Variants in BTBD8 observed in about 807,000 individuals in gnomAD.
BTBD8 encodes the protein BTB/POZ domain-containing protein 8.
BTBD8 carries 110 observed loss-of-function variants against 162.9 expected under a neutral mutation model. The observed-to-expected ratio is 0.68, with a 90% CI of 0.58 to 0.79. BTBD8 has a LOEUF of 0.79. Among genes scored for constraint, BTBD8 ranks in the 30% least tolerant of loss-of-function variants. The pLI, the probability that BTBD8 is intolerant of heterozygous loss-of-function variation, is 0.00. For synonymous variants in BTBD8, 667 were observed against 716.1 expected, an observed-to-expected ratio of 0.93 and a Z score of 1.10; for missense variants, 1,905 against 2,085.4, an observed-to-expected ratio of 0.91 and a Z score of 1.68.
In BTBD8 at chr1:92,141,118, G is replaced by A; in HGVS notation, c.837G>A (p.Gln279=). 1 of 1,547,644 alleles carries A rather than the reference G, an allele frequency of 6.5e-7. No individual in the cohort carries two copies. Among genetic ancestry groups the A allele is most frequent in the Non-Finnish European group, 8.7e-7 (1 of 1,149,800 alleles). Residue 279 remains glutamine (Q), a synonymous_variant, in exon 7 of 18, where the codon CAG becomes CAA. Transcript: ENST00000636805. ...AGTGCATCTATTTTTATTTTAGTCA[G>A]ATACTCAATATGGCTGATATGTATG... is the stretch of plus-strand genomic sequence containing the variant. ...LDIPDKTNVG[Q]ILNMADMYGL... is the part of the protein sequence containing the mutation.
Position 92,088,781 on chromosome 1 carries a change from C to G in BTBD8, c.233C>G (p.Ala78Gly). The G allele has an allele frequency of 6.2e-7, 1 of 1,613,176 alleles. No individual in the cohort carries two copies. Among genetic ancestry groups the G allele is most frequent in the Non-Finnish European group, 8.5e-7 (1 of 1,179,470 alleles). Reference sequence around the variant, plus strand: ...AAAGCACACAAAGCAGTCCTTTTAGCAAGAGTTCCTGACTTCTATTTTCAT... The same window carrying G: ...AAAGCACACAAAGCAGTCCTTTTAGGAAGAGTTCCTGACTTCTATTTTCAT... ...LFKAHKAVLL[A>G]RVPDFYFHTI... The change falls in exon 2 of 18, where the codon GCA (alanine) becomes GGA (glycine). Residue 78 changes from alanine to glycine, a missense_variant. Around this residue, in one of 3 missense-constraint regions of BTBD8, gnomAD observed 1,374 missense variants for 1,442.7 expected, o/e 0.95. Transcript: ENST00000636805.
rs1557466674 is a variant in BTBD8, at chr1:92,177,007, A to G, written c.1814A>G (p.Asp605Gly). The change falls in exon 14 of 18, where the codon GAT becomes GGT. Residue 605 changes from aspartate (D) to glycine (G), a missense_variant. By Grantham distance (94) the Asp-to-Gly change is moderately conservative. Coordinates refer to ENST00000636805, the MANE Select transcript of BTBD8 (RefSeq NM_001376131.1). ...AGTATAAATAAAACTCTGAAGCAAG[A>G]TGATGTAAAGGAAAAAGATGGTACA... The part of the protein sequence containing the change: ...RNSINKTLKQ[D>G]DVKEKDGTKI... 1 of 1,548,066 alleles carries G rather than the reference A, an allele frequency of 6.5e-7. No individual in the cohort carries two copies. The highest frequency in any genetic ancestry group is 8.7e-7 in the Non-Finnish European group (1 of 1,145,730).
At position 92,121,833 on chromosome 1, in the gene BTBD8, ATTTTTTTATTTTT is replaced by A. The variant is rs376972486; in HGVS notation, c.663-7846_663-7834del. On this transcript the variant is annotated intron_variant, in intron 4 of 17. Transcript: ENST00000636805. ...TTCTGTTTATATCTTTTGCCCATTT[ATTTTTTTATTTTT>A]TTTTTTTTGAGACAGAGTCTTGCTA... Among the ~76,000 whole-genome samples the A allele has an allele frequency of 2.9e-3, 429 of 148,836 alleles. 1 individual carries two copies. The highest frequency in any genetic ancestry group is 9.5e-3 in the African/African-American group (386 of 40,506).
intron 4 of BTBD8, chr1:92,115,222 CA>C: frequency 2.0e-6 from 1 of 494,604 alleles, no homozygotes. Context: ...GCCATCACAC[CA>C]CAGTTTCCCA....
chr1:92,184,200 C>A lies in BTBD8; in HGVS notation c.5249C>A (p.Thr1750Asn). 1 of 1,551,546 alleles carries A rather than the reference C, an allele frequency of 6.4e-7. No individual in the cohort carries two copies. Among genetic ancestry groups the A allele is most frequent in the Non-Finnish European group, 8.7e-7 (1 of 1,146,802 alleles). Residue 1750 changes from threonine to asparagine, a missense_variant, in exon 18 of 18, where the codon ACT becomes AAT. This residue lies in a region of BTBD8 where 517 missense variants were observed against 606.6 expected (regional missense o/e 0.85). Transcript: ENST00000636805. ...CCTCAGGGTATAACACATATTGACA[C>A]TTTGAACAGATGGAGTGAACTAACA... Reference protein sequence around the residue: ...SKPQGITHIDTLNRWSELTSP... With the variant: ...SKPQGITHIDNLNRWSELTSP...
chr1:92,171,400 T>C lies in BTBD8; in HGVS notation c.1575T>C (p.Ala525=), dbSNP rs1026169236. The C allele has an allele frequency of 6.5e-7, 1 of 1,539,986 alleles. No individual in the cohort carries two copies. Among genetic ancestry groups the C allele is most frequent in the African/African-American group, 1.4e-5 (1 of 72,890 alleles). The change falls in exon 13 of 18, where the codon GCT becomes GCC. Residue 525 remains alanine, a splice_region_variant and synonymous_variant. Coordinates refer to ENST00000636805, the MANE Select transcript of BTBD8 (RefSeq NM_001376131.1). Reference sequence around the variant, plus strand: ...ACAAATTGCTGTTTCTTTCTACAGCTGCATTTGACAAAGGTGATGATCGAA... The same window carrying C: ...ACAAATTGCTGTTTCTTTCTACAGCCGCATTTGACAAAGGTGATGATCGAA... ...STDDQQKIQA[A]AFDKGDDRRL... is the part of the protein sequence containing the mutation.
chr1:92,110,265 G>A (rs1648853395), intron 4 of BTBD8, among the ~76,000 whole-genome samples: 1 of 152,070 alleles, frequency 6.6e-6, no homozygotes, highest in South Asian at 2.1e-4. Flanking sequence ...TGGACTGTGG[G>A]GACAATCTGC....
chr1:92,179,754 A>G (rs576391529), intron 16 of BTBD8, among the ~76,000 whole-genome samples: 1 of 152,298 alleles, frequency 6.6e-6, no homozygotes, highest in Admixed American at 6.5e-5. Context: ...AGTAATAATA[A>G]TCTGGTTATG....
intron 2 of BTBD8, among the ~76,000 whole-genome samples, chr1:92,095,215 T>C (rs990602107): frequency 3.3e-5 from 5 of 152,198 alleles, no homozygotes; most frequent in African/African-American, 1.2e-4. Flanking sequence ...AATCTCCCTA[T>C]AGCCAAGTAC....
At chr1:92,112,431 A>T (rs1472017629) in intron 4 of BTBD8, among the ~76,000 whole-genome samples, 3 of 152,144 alleles carry the variant, frequency 2.0e-5, no homozygotes, top group Non-Finnish European at 2.9e-5. Context: ...ACTAGGTATC[A>T]TAGTGTATAT....
intron 5 of BTBD8, among the ~76,000 whole-genome samples, chr1:92,138,147 G>A (rs762638560): frequency 6.6e-6 from 1 of 152,152 alleles, no homozygotes; most frequent in African/African-American, 2.4e-5. Flanking sequence ...TGCAGCTGGC[G>A]ATGTGGAAAA....
At chr1:92,092,640 T>C (rs1307542496) in intron 2 of BTBD8, among the ~76,000 whole-genome samples, 1 of 152,190 alleles carries the variant, frequency 6.6e-6, no homozygotes, top group East Asian at 1.9e-4. Flanking sequence ...CACCCATAAA[T>C]GTGAGGGTTT....
chr1:92,183,679 C>T (rs775433862), intron 17 of BTBD8, among the ~76,000 whole-genome samples, 185 bp from the exon 18 acceptor site: 47 of 151,316 alleles, frequency 3.1e-4, no homozygotes, highest in Non-Finnish European at 5.2e-4. Context: ...CTAAACATTA[C>T]CCTTGAATTT....
intron 12 of BTBD8, among the ~76,000 whole-genome samples, chr1:92,170,627 A>G (rs1358209155): frequency 6.6e-6 from 1 of 152,126 alleles, no homozygotes; most frequent in Non-Finnish European, 1.5e-5. Context: ...ATTTAATAAA[A>G]ATCAAATAAT....
At chr1:92,090,398 A>G (rs1034286294) in intron 2 of BTBD8, among the ~76,000 whole-genome samples, 1 of 152,138 alleles carries the variant, frequency 6.6e-6, no homozygotes, top group Non-Finnish European at 1.5e-5. Flanking sequence ...ATGACTAACG[A>G]TGTTGAGCAT....
In BTBD8 at chr1:92,171,468, T is replaced by C; in HGVS notation, c.1635+8T>C. The C allele has an allele frequency of 6.7e-7, 1 of 1,484,304 alleles. No individual in the cohort carries two copies. Among genetic ancestry groups the C allele is most frequent in the Non-Finnish European group, 9.1e-7 (1 of 1,103,794 alleles). The allele number at this position is 1,484,304 out of a possible 1,614,324, so 91.9% of individuals were successfully genotyped here. A position where few individuals can be genotyped will look rare whatever the true frequency, so the allele number is the denominator to read the frequency against. On this transcript the variant is annotated splice_region_variant and intron_variant, in intron 13 of 17. Transcript: ENST00000636805. ...ATATTCAGTAGCTCGCAGGTAAACT[T>C]TCTAAATTTTATAGGTACAAATGAA...
chr1:92,088,801 T>C lies in BTBD8; in HGVS notation c.253T>C (p.Phe85Leu), dbSNP rs139465521. The part of the protein sequence containing the change: ...VLLARVPDFY[F>L]HTIGQTSNSL... The stretch of plus-strand genomic sequence containing the variant: ...TTTAGCAAGAGTTCCTGACTTCTAT[T>C]TTCATACTATTGGACAGACATCAAA... Residue 85 changes from phenylalanine to leucine, a missense_variant, in exon 2 of 18, where the codon TTT becomes CTT. Phe to Leu is a conservative substitution (Grantham distance 22, BLOSUM62 0). Coordinates refer to ENST00000636805, the MANE Select transcript of BTBD8 (RefSeq NM_001376131.1). The C allele has an allele frequency of 3.3e-4, 537 of 1,613,414 alleles. 3 individuals are homozygous for C. The African/African-American group carries it at 6.5e-3, about 20-fold the overall frequency.
intron 9 of BTBD8, among the ~76,000 whole-genome samples, chr1:92,158,475 A>G (rs1010111554): frequency 6.6e-6 from 1 of 152,166 alleles, no homozygotes; most frequent in Non-Finnish European, 1.5e-5. Context: ...CTCAATCCAC[A>G]TACACAGAAA....
chr1:92,144,900 G>T (rs1324766582), intron 7 of BTBD8, among the ~76,000 whole-genome samples: 1 of 151,728 alleles, frequency 6.6e-6, no homozygotes, highest in East Asian at 1.9e-4. Context: ...ATCTCAAAGG[G>T]ATCTTAATTG....
Sources: allele counts gnomAD v4.1 joint callset (sites outside exome capture counted in the v4.1 genomes callset), GRCh38; gene constraint gnomAD v4.1.1; regional missense constraint gnomAD v4.1.1; transcripts MANE v1.5; gene names NCBI Gene and HGNC (gene_info 2026-07-23, HGNC 2026-07-21).